FNDC3A: variants seen among roughly 807,000 people sequenced by gnomAD.
FNDC3A encodes fibronectin type III domain containing 3A.
Under a neutral mutation model 148.9 loss-of-function variants are expected in FNDC3A, and 32 were observed. That is an observed-to-expected ratio of 0.21 (90% CI 0.16 to 0.29). FNDC3A has a LOEUF of 0.29. Among genes scored for constraint, FNDC3A ranks in the 10% least tolerant of loss-of-function variants. The probability of loss-of-function intolerance (pLI) is 1.00; values close to 1 mark genes in which losing one functional copy is unlikely to be tolerated. For synonymous variants in FNDC3A, 472 were observed against 473.6 expected (o/e 1.00, Z 0.04); for missense variants, 1,191 against 1,452.8 (o/e 0.82, Z 2.93).
chr13:49,176,261 A>C (rs1885026958), intron 13 of FNDC3A, among the ~76,000 whole-genome samples: 1 of 152,160 alleles, frequency 6.6e-6, no homozygotes. Context: ...TTTCAGAAGG[A>C]ATGGTACCAG....
chr13:49,166,768 T>G (rs1422800508), intron 8 of FNDC3A, among the ~76,000 whole-genome samples: 4 of 152,216 alleles, frequency 2.6e-5, no homozygotes, highest in African/African-American at 9.7e-5. Context: ...GTTTCCAGTT[T>G]AATTCCAGTG....
At chr13:49,056,660 C>T (rs1876268582) in intron 2 of FNDC3A, among the ~76,000 whole-genome samples, 1 of 152,082 alleles carries the variant, frequency 6.6e-6, no homozygotes, top group African/African-American at 2.4e-5. Flanking sequence ...TTCCAGTTCA[C>T]CTGTTTTCTA....
intron 2 of FNDC3A, among the ~76,000 whole-genome samples, chr13:49,032,931 T>G (rs1393947647): frequency 6.6e-6 from 1 of 152,088 alleles, no homozygotes; most frequent in Non-Finnish European, 1.5e-5. Flanking sequence ...AAATATATGT[T>G]TATATAATTT....
At chr13:49,142,497 A>C (rs1180705169) in intron 7 of FNDC3A, among the ~76,000 whole-genome samples, 2 of 152,102 alleles carry the variant, frequency 1.3e-5, no homozygotes, top group African/African-American at 4.8e-5. Flanking sequence ...ACTGTCCCCT[A>C]CCACTCCACA....
At chr13:49,110,192 G>A (rs979992085) in intron 3 of FNDC3A, 4 of 471,744 alleles carry the variant, frequency 8.5e-6, no homozygotes, top group African/African-American at 8.3e-5. Context: ...AATGCTGCAA[G>A]CGGGAACGTT....
chr13:49,186,132 T>G (rs1205453333), intron 15 of FNDC3A, 30 bp downstream of exon 15: 1 of 1,520,256 alleles, frequency 6.6e-7, no homozygotes, highest in Non-Finnish European at 9.0e-7. Flanking sequence ...TATACATTAT[T>G]ACTTTTGCGT....
rs565599301 is a variant in FNDC3A at position 49,174,048 on chromosome 13, T to G, written c.1231-387T>G. On this transcript the variant is annotated intron_variant, in intron 11 of 25. Coordinates refer to ENST00000492622, the MANE Select transcript of FNDC3A (RefSeq NM_001079673.2). Reference sequence around the variant, plus strand: ...ATGGGTAAGGACCTTTTCTTAAAACTGTCTGCTTAGAGCTTTCCATAGGTT... The same window carrying G: ...ATGGGTAAGGACCTTTTCTTAAAACGGTCTGCTTAGAGCTTTCCATAGGTT... 3.3e-5 allele frequency among the ~76,000 whole-genome samples: 5 copies of G among 152,306 alleles called. No homozygotes were observed. The South Asian group carries it at 8.3e-4, about 25-fold the overall frequency.
intron 3 of FNDC3A, among the ~76,000 whole-genome samples, chr13:49,106,962 G>C (rs1880232867): frequency 6.6e-6 from 1 of 152,050 alleles, no homozygotes; most frequent in Non-Finnish European, 1.5e-5. Flanking sequence ...TGATTTTTTT[G>C]TAGGAAATTA....
intron 2 of FNDC3A, among the ~76,000 whole-genome samples, chr13:49,047,146 A>T (rs1315154002): frequency 4.9e-5 from 7 of 144,098 alleles, no homozygotes; most frequent in Non-Finnish European, 9.2e-5. Flanking sequence ...AAGTGCCATT[A>T]TTTTTTTTTT....
At chr13:48,993,583 A>G (rs1593447067) in intron 1 of FNDC3A, among the ~76,000 whole-genome samples, 1 of 152,234 alleles carries the variant, frequency 6.6e-6, no homozygotes, top group Non-Finnish European at 1.5e-5. Flanking sequence ...ACATTTTACC[A>G]TACATGAACT....
At chr13:49,082,959 C>T (rs1370692621) in intron 3 of FNDC3A, among the ~76,000 whole-genome samples, 10 of 152,048 alleles carry the variant, frequency 6.6e-5, no homozygotes, top group Admixed American at 6.6e-4. Context: ...GGTAGCCTGA[C>T]CTGGGTTGTA....
intron 2 of FNDC3A, among the ~76,000 whole-genome samples, chr13:49,068,451 AT>A (rs1163319041): frequency 6.6e-6 from 1 of 152,028 alleles, no homozygotes; most frequent in Non-Finnish European, 1.5e-5. Flanking sequence ...AGAAAATCTA[AT>A]AGTGGTGAAT....
chr13:48,985,366 G>A (rs1353640796), intron 1 of FNDC3A, among the ~76,000 whole-genome samples: 5 of 152,146 alleles, frequency 3.3e-5, no homozygotes, highest in Admixed American at 6.5e-5. Flanking sequence ...TCAAATGTAC[G>A]TTCTCCTGAG....
Position 48,999,279 on chromosome 13 carries a change from G to C in FNDC3A, c.-39-6873G>C, listed in dbSNP as rs142072382. Among the ~76,000 whole-genome samples the C allele has an allele frequency of 6.7e-3, 1,019 of 152,340 alleles. 38 individuals are homozygous for C. The highest frequency in any genetic ancestry group is 0.062 in the Admixed American group (943 of 15,298). On this transcript the variant is annotated intron_variant, in intron 1 of 25. Coordinates refer to ENST00000492622, the MANE Select transcript of FNDC3A (RefSeq NM_001079673.2). ...AAAGATGATGATTCTCAAGCCTTAAGATCTAACAGTATTTGCCTTGGTAGG... is the reference window on the plus strand; with the variant it reads ...AAAGATGATGATTCTCAAGCCTTAACATCTAACAGTATTTGCCTTGGTAGG...
intron 25 of FNDC3A, among the ~76,000 whole-genome samples, chr13:49,203,963 G>A (rs755017779): frequency 6.6e-6 from 1 of 152,154 alleles, no homozygotes; most frequent in Non-Finnish European, 1.5e-5. Flanking sequence ...GAAGACAGTG[G>A]AGGATTTTGA....
Position 49,197,790 on chromosome 13 carries a change from T to C in FNDC3A, c.2406T>C (p.Ser802=), listed in dbSNP as rs1886226391. The C allele has an allele frequency of 1.2e-6, 2 of 1,610,956 alleles. No individual in the cohort carries two copies. The highest frequency in any genetic ancestry group is 1.7e-6 in the Non-Finnish European group (2 of 1,179,230). The part of the protein sequence containing the change: ...YRLEWGGVEG[S]MQICYCGPGL... ...TGGAGTGGGGAGGAGTTGAAGGAAG[T>C]ATGCAGATATGTTACTGTGGGCCTG... Residue 802 remains serine (S), a synonymous_variant, in exon 21 of 26, where the codon AGT becomes AGC. Transcript: ENST00000492622.
chr13:48,980,550 C>T (rs186136061), intron 1 of FNDC3A, among the ~76,000 whole-genome samples: 43 of 152,244 alleles, frequency 2.8e-4, no homozygotes, highest in Admixed American at 9.2e-4. Context: ...ACCTAGAGAT[C>T]TCTTTACAAA....
intron 8 of FNDC3A, among the ~76,000 whole-genome samples, chr13:49,165,137 A>G (rs991406829): frequency 1.3e-5 from 2 of 152,046 alleles, no homozygotes; most frequent in Non-Finnish European, 2.9e-5. Context: ...TAATATCACT[A>G]TTTCAAATTT....
chr13:48,982,143 A>G (rs749987393), intron 1 of FNDC3A, among the ~76,000 whole-genome samples: 1 of 152,122 alleles, frequency 6.6e-6, no homozygotes, highest in Non-Finnish European at 1.5e-5. Context: ...GTTGAGCCAT[A>G]ACTTGAAGGA....
Sources: gnomAD v4.1 joint callset for allele counts (sites outside exome capture counted in the v4.1 genomes callset) on GRCh38, gnomAD v4.1.1 for gene constraint, MANE v1.5 for transcripts, NCBI Gene and HGNC (gene_info 2026-07-23, HGNC 2026-07-21) for gene names.